The following PDCD1LG2 variants were observed in gnomAD, a reference collection of about 807,000 sequenced individuals.
PDCD1LG2 encodes the protein programmed cell death 1 ligand 2, also known as B7 dendritic cell molecule.
PDCD1LG2 carries 32 observed loss-of-function variants against 28.2 expected under a neutral mutation model. That is an observed-to-expected ratio of 1.13 (90% confidence interval 0.86 to 1.52). PDCD1LG2 has a LOEUF of 1.52. Ranked by LOEUF, PDCD1LG2 falls within the 40% of genes most tolerant of loss-of-function variation. PDCD1LG2 has a pLI of 0.00. For missense variants in PDCD1LG2, 385 were observed against 323.8 expected (o/e 1.19, Z -1.45); for synonymous variants, 116 against 120.2 (o/e 0.97, Z 0.23).
intron 1 of PDCD1LG2, among the ~76,000 whole-genome samples, chr9:5,522,255 T>C (rs560043598): frequency 1.3e-5 from 2 of 152,336 alleles, no homozygotes; most frequent in South Asian, 2.1e-4. Context: ...ACTGCCAATA[T>C]GTGTGGTTCA....
chr9:5,517,936 A>G (rs1463564719), intron 1 of PDCD1LG2, among the ~76,000 whole-genome samples: 1 of 152,202 alleles, frequency 6.6e-6, no homozygotes, highest in African/African-American at 2.4e-5. Context: ...CTGCTATGGT[A>G]TAAGAAGAAA....
intron 3 of PDCD1LG2, among the ~76,000 whole-genome samples, chr9:5,547,591 T>C (rs1035523455): frequency 6.6e-6 from 1 of 152,188 alleles, no homozygotes; most frequent in African/African-American, 2.4e-5. Flanking sequence ...CTGGCAATAA[T>C]GTATATTTAT....
At chr9:5,523,765 A>C (rs1215931378) in intron 2 of PDCD1LG2, among the ~76,000 whole-genome samples, 8 of 152,194 alleles carry the variant, frequency 5.3e-5, no homozygotes, top group African/African-American at 1.7e-4. Flanking sequence ...GCCAAAAGAC[A>C]CTGTTCCCCA....
At chr9:5,562,225 A>G (rs1477305513) in intron 5 of PDCD1LG2, among the ~76,000 whole-genome samples, 1 of 152,232 alleles carries the variant, frequency 6.6e-6, no homozygotes, top group Non-Finnish European at 1.5e-5. Flanking sequence ...TTGCAAAGAT[A>G]TGAAACCAAC....
At chr9:5,558,179 T>A (rs1464577708) in intron 5 of PDCD1LG2, among the ~76,000 whole-genome samples, 2 of 152,052 alleles carry the variant, frequency 1.3e-5, no homozygotes, top group African/African-American at 4.8e-5. Context: ...ACCCACCCCC[T>A]CTCCCAGGAA....
At chr9:5,561,042 GC>G (rs1299895218) in intron 5 of PDCD1LG2, among the ~76,000 whole-genome samples, 12 of 151,954 alleles carry the variant, frequency 7.9e-5, no homozygotes, top group Non-Finnish European at 1.5e-5. Context: ...ACCAATATAT[GC>G]CCAGTGTCTA....
chr9:5,520,243 T>A (rs1418399017), intron 1 of PDCD1LG2, among the ~76,000 whole-genome samples: 1 of 152,186 alleles, frequency 6.6e-6, no homozygotes, highest in Non-Finnish European at 1.5e-5. Context: ...AGGATAGACA[T>A]ATAGTTCAAT....
At chr9:5,521,619 T>C (rs1033353050) in intron 1 of PDCD1LG2, among the ~76,000 whole-genome samples, 1 of 152,124 alleles carries the variant, frequency 6.6e-6, no homozygotes, top group African/African-American at 2.4e-5. Flanking sequence ...GTCTATTGCC[T>C]ACACCAAAGC....
intron 1 of PDCD1LG2, among the ~76,000 whole-genome samples, chr9:5,512,453 C>T (rs1820079886): frequency 1.3e-5 from 2 of 152,170 alleles, no homozygotes; most frequent in African/African-American, 4.8e-5. Context: ...GAGGGATTTT[C>T]CTCCATTGCC....
intron 3 of PDCD1LG2, among the ~76,000 whole-genome samples, chr9:5,544,418 G>T (rs1820752093): frequency 6.6e-6 from 1 of 152,184 alleles, no homozygotes; most frequent in Admixed American, 6.5e-5. Flanking sequence ...TCTTCTGCTG[G>T]AGAGGCCACA....
chr9:5,545,765 T>G (rs1029544606), intron 3 of PDCD1LG2, among the ~76,000 whole-genome samples: 2 of 152,206 alleles, frequency 1.3e-5, no homozygotes, highest in African/African-American at 4.8e-5. Context: ...TTAGCCATCT[T>G]GACCTAATAG....
intron 5 of PDCD1LG2, among the ~76,000 whole-genome samples, chr9:5,558,301 T>C: frequency 6.6e-6 from 1 of 152,206 alleles, no homozygotes. Flanking sequence ...CCCTTCGAGT[T>C]TCTCCTTAGC....
At chr9:5,553,272 C>A (rs1209472155) in intron 4 of PDCD1LG2, among the ~76,000 whole-genome samples, 1 of 152,180 alleles carries the variant, frequency 6.6e-6, no homozygotes, top group Admixed American at 6.5e-5. Context: ...ATGGTTGAGA[C>A]CACAGACTTC....
intron 2 of PDCD1LG2, among the ~76,000 whole-genome samples, chr9:5,523,071 C>G (rs1820307662): frequency 6.6e-6 from 1 of 152,214 alleles, no homozygotes; most frequent in South Asian, 2.1e-4. Flanking sequence ...TTTTGAAAAG[C>G]AACAATAGCA....
At chr9:5,557,864 C>G in intron 5 of PDCD1LG2, 112 bp downstream of exon 5, 1 of 1,298,024 alleles carries the variant, frequency 7.7e-7, no homozygotes, top group South Asian at 1.4e-5. Flanking sequence ...CCACTCAGAG[C>G]TTATGAACCA....
chr9:5,530,274 G>C (rs1448879095), intron 2 of PDCD1LG2, among the ~76,000 whole-genome samples: 6 of 152,132 alleles, frequency 3.9e-5, no homozygotes, highest in Admixed American at 1.3e-4. Flanking sequence ...CTTTTGCCAA[G>C]TCTTTTGCCC....
At chr9:5,563,345 T>C (rs1816603791) in intron 6 of PDCD1LG2, 134 bp downstream of exon 6, 2 of 802,278 alleles carry the variant, frequency 2.5e-6, no homozygotes, top group Non-Finnish European at 3.9e-6. Context: ...TCCTGTTTGG[T>C]AGCATTTCAG....
Position 5,535,070 on chromosome 9 carries a change from A to C in PDCD1LG2, c.361+20A>C, listed in dbSNP as rs1320395688. 1 of 1,570,752 alleles carries C rather than the reference A, an allele frequency of 6.4e-7. No individual in the cohort carries two copies. Among genetic ancestry groups the C allele is most frequent in the Non-Finnish European group, 8.6e-7 (1 of 1,157,942 alleles). Reference sequence around the variant, plus strand: ...TCAAAGGTGAGTGGTGTCAAGGACTAGAATCCATGGAAGCATCTCTCCAAC... The same window carrying C: ...TCAAAGGTGAGTGGTGTCAAGGACTCGAATCCATGGAAGCATCTCTCCAAC... On this transcript the variant is annotated intron_variant, in intron 3 of 6. Transcript: ENST00000397747.
chr9:5,545,773 T>C (rs1023824853), intron 3 of PDCD1LG2, among the ~76,000 whole-genome samples: 6 of 152,182 alleles, frequency 3.9e-5, no homozygotes, highest in African/African-American at 1.4e-4. Context: ...CTTGACCTAA[T>C]AGACATATGA....
Sources: gnomAD v4.1 joint callset for allele counts (sites outside exome capture counted in the v4.1 genomes callset) on GRCh38, gnomAD v4.1.1 for gene constraint, MANE v1.5 for transcripts, NCBI Gene and HGNC (gene_info 2026-07-23, HGNC 2026-07-21) for gene names.